MTSS1: variants seen among roughly 807,000 people sequenced by gnomAD.
The protein encoded by MTSS1 is MTSS I-BAR domain containing 1, also known as protein MTSS 1.
Under a neutral mutation model 79.0 loss-of-function variants are expected in MTSS1, and 18 were observed. The ratio of observed to expected loss-of-function variants is 0.23; its 90% confidence interval spans 0.16 to 0.34. MTSS1 has a LOEUF of 0.34. MTSS1 is among the 10% of genes least tolerant of loss of function. MTSS1 has a pLI of 1.00. For synonymous variants in MTSS1, 341 were observed against 368.6 expected, an observed-to-expected ratio of 0.93 and a Z score of 0.86; for missense variants, 815 against 986.2, an observed-to-expected ratio of 0.83 and a Z score of 2.33.
At chr8:124,681,962 TA>T (rs1826194817) in intron 3 of MTSS1, among the ~76,000 whole-genome samples, 1 of 152,212 alleles carries the variant, frequency 6.6e-6, no homozygotes, top group African/African-American at 2.4e-5. Context: ...AAGCTCTTTA[TA>T]CACCTTCTCA....
At chr8:124,565,261 T>A (rs768786516) in intron 9 of MTSS1, among the ~76,000 whole-genome samples, 2 of 152,244 alleles carry the variant, frequency 1.3e-5, no homozygotes, top group Non-Finnish European at 2.9e-5. Flanking sequence ...AATGAGGGCA[T>A]AAGCCATTGT....
chr8:124,619,001 C>T (rs553869289), intron 3 of MTSS1, among the ~76,000 whole-genome samples: 5 of 152,284 alleles, frequency 3.3e-5, no homozygotes, highest in East Asian at 1.9e-4. Flanking sequence ...TTTTCTTGTA[C>T]GTGGTTAACG....
intron 10 of MTSS1, among the ~76,000 whole-genome samples, chr8:124,559,303 G>A (rs111592996): frequency 2.3e-4 from 35 of 152,286 alleles, no homozygotes; most frequent in African/African-American, 7.9e-4. Context: ...ACCCCAGCTC[G>A]GGCTTTTGCT....
chr8:124,602,692 G>C (rs1481629925), intron 3 of MTSS1, among the ~76,000 whole-genome samples: 1 of 152,166 alleles, frequency 6.6e-6, no homozygotes, highest in Non-Finnish European at 1.5e-5. Flanking sequence ...CAAGGGGCTA[G>C]CCAGACCTCG....
chr8:124,631,628 A>G (rs907773742), intron 3 of MTSS1, among the ~76,000 whole-genome samples: 22 of 152,272 alleles, frequency 1.4e-4, no homozygotes, highest in African/African-American at 5.1e-4. Flanking sequence ...GATCCCCTCC[A>G]TAGTCCACTC....
chr8:124,707,779 G>C (rs1025188594), intron 1 of MTSS1, among the ~76,000 whole-genome samples: 1 of 152,288 alleles, frequency 6.6e-6, no homozygotes, highest in South Asian at 2.1e-4. Flanking sequence ...AGGAGGCTGA[G>C]GTGGGAGAAT....
At chr8:124,713,907 C>A (rs1831529690) in intron 1 of MTSS1, among the ~76,000 whole-genome samples, 1 of 151,722 alleles carries the variant, frequency 6.6e-6, no homozygotes, top group Non-Finnish European at 1.5e-5. Context: ...ACTACCACAC[C>A]CGACTAATTT....
intron 3 of MTSS1, among the ~76,000 whole-genome samples, chr8:124,637,988 G>A (rs2133936208): frequency 6.6e-6 from 1 of 152,324 alleles, no homozygotes; most frequent in East Asian, 1.9e-4. Context: ...GCAGTTTAGG[G>A]GGAGTAGATT....
chr8:124,600,174 C>G (rs1248292824), intron 3 of MTSS1, among the ~76,000 whole-genome samples: 1 of 152,078 alleles, frequency 6.6e-6, no homozygotes, highest in Non-Finnish European at 1.5e-5. Context: ...TCTGAATATC[C>G]TAGATTTTTA....
intron 3 of MTSS1, among the ~76,000 whole-genome samples, chr8:124,630,547 G>T (rs1223501968): frequency 1.3e-5 from 2 of 152,158 alleles, no homozygotes; most frequent in Admixed American, 6.5e-5. Flanking sequence ...TTTTAACAAG[G>T]CTCCAGGCCA....
chr8:124,718,874 G>A (rs1832506257), intron 1 of MTSS1, among the ~76,000 whole-genome samples: 1 of 152,160 alleles, frequency 6.6e-6, no homozygotes, highest in Non-Finnish European at 1.5e-5. Context: ...AACTGCACTG[G>A]CCTGGCCCAA....
chr8:124,694,836 C>T (rs1417930075), intron 3 of MTSS1, among the ~76,000 whole-genome samples: 1 of 152,124 alleles, frequency 6.6e-6, no homozygotes, highest in Non-Finnish European at 1.5e-5. Flanking sequence ...GAAACCAATT[C>T]TTTGTGTTCA....
intron 3 of MTSS1, among the ~76,000 whole-genome samples, chr8:124,628,667 G>T (rs1815237385): frequency 6.9e-6 from 1 of 145,908 alleles, no homozygotes; most frequent in Non-Finnish European, 1.5e-5. Context: ...TCTAATTATA[G>T]GCATTTTGTC....
At chr8:124,625,052 T>A (rs1814387639) in intron 3 of MTSS1, among the ~76,000 whole-genome samples, 1 of 152,150 alleles carries the variant, frequency 6.6e-6, no homozygotes, top group Admixed American at 6.5e-5. Flanking sequence ...AAAATGCAAA[T>A]CTTTTCTTTT....
In MTSS1 at chr8:124,554,343, G is replaced by A. The variant is rs78320134; in HGVS notation, c.1568-651C>T. Among the ~76,000 whole-genome samples the A allele has an allele frequency of 6.7e-3, 1,016 of 152,226 alleles. 8 individuals are homozygous for A. Among genetic ancestry groups the A allele is most frequent in the African/African-American group, 0.023 (955 of 41,512 alleles). On this transcript the variant is annotated intron_variant, in intron 13 of 13. Coordinates refer to ENST00000518547, the MANE Select transcript of MTSS1 (RefSeq NM_014751.6). ...ATGGAGGACGTGGTGGGGAGGGGCCGTGCTGTGTATTCTGGGATGTTTAAG... is the reference window on the plus strand; with the variant it reads ...ATGGAGGACGTGGTGGGGAGGGGCCATGCTGTGTATTCTGGGATGTTTAAG...
At chr8:124,726,942 G>A (rs1462975953) in intron 1 of MTSS1, among the ~76,000 whole-genome samples, 1 of 152,144 alleles carries the variant, frequency 6.6e-6, no homozygotes, top group South Asian at 2.1e-4. Flanking sequence ...CAGCCAGCTC[G>A]CGCGGCTGGT....
chr8:124,556,544 T>C, intron 11 of MTSS1, 139 bp from the exon 12 acceptor site: 1 of 923,540 alleles, frequency 1.1e-6, no homozygotes, highest in Non-Finnish European at 1.6e-6. Context: ...ACAGGCCCTC[T>C]GCATGCCCTC....
intron 10 of MTSS1, among the ~76,000 whole-genome samples, chr8:124,562,245 G>A (rs1408507888): frequency 6.6e-6 from 1 of 152,202 alleles, no homozygotes; most frequent in East Asian, 1.9e-4. Context: ...AAGAGATTCT[G>A]CCACACCTTC....
In MTSS1 at chr8:124,567,052, C is replaced by T. The variant is rs1826654370; in HGVS notation, c.726+19G>A. 1.8e-5 allele frequency: 29 copies of T among 1,579,692 alleles called. No homozygotes were observed. The highest frequency in any genetic ancestry group is 2.3e-5 in the Non-Finnish European group (27 of 1,149,112). ...CCTCTTTGGTTTGATCCTGTAAGTG[C>T]TTAACCCCTGAAGCCTACCTGTTCA... On this transcript the variant is annotated intron_variant, in intron 8 of 13. Coordinates refer to ENST00000518547, the MANE Select transcript of MTSS1 (RefSeq NM_014751.6).
Sources: gnomAD v4.1 joint callset for allele counts (sites outside exome capture counted in the v4.1 genomes callset) on GRCh38, gnomAD v4.1.1 for gene constraint, MANE v1.5 for transcripts, NCBI Gene and HGNC (gene_info 2026-07-23, HGNC 2026-07-21) for gene names.